Variants in FAM221A observed in about 807,000 individuals in gnomAD.
The protein encoded by FAM221A is protein FAM221A.
In FAM221A, 43 loss-of-function variants were observed where a neutral mutation model predicts 37.6. That is an observed-to-expected ratio of 1.15 (90% CI 0.90 to 1.48). FAM221A has a LOEUF of 1.48. Among genes scored for constraint, FAM221A ranks in the 40% most tolerant of loss-of-function variants. The probability of loss-of-function intolerance (pLI) is 0.00; values close to 1 mark genes in which losing one functional copy is unlikely to be tolerated. For missense variants in FAM221A, 361 were observed against 361.5 expected (o/e 1.00, Z 0.01); for synonymous variants, 135 against 132.9 (o/e 1.02, Z -0.11).
At chr7:23,688,662 G>A (rs1230138907) in intron 2 of FAM221A, 1 of 148,632 alleles carries the variant, frequency 6.7e-6, no homozygotes, top group Non-Finnish European at 1.5e-5. Flanking sequence ...TTGAGATGGA[G>A]TTTCGCTCTT....
At chr7:23,703,068 C>CT (rs913070130), downstream of FAM221A, 1 of 152,198 alleles carries the variant, frequency 6.6e-6, no homozygotes, top group African/African-American at 2.4e-5. Context: ...GTTGGGAAGA[C>CT]AATTCTGAAA....
chr7:23,690,918 A>G (rs1229631206), intron 3 of FAM221A, among the ~76,000 whole-genome samples: 2 of 152,184 alleles, frequency 1.3e-5, no homozygotes, highest in African/African-American at 4.8e-5. Context: ...TGATGTTTTC[A>G]TGATTCATCC....
intron 1 of FAM221A, among the ~76,000 whole-genome samples, chr7:23,683,881 C>G (rs548346051): frequency 4.6e-5 from 7 of 152,036 alleles, no homozygotes; most frequent in African/African-American, 1.7e-4. Context: ...ATCGCCAGAC[C>G]AATTCAAAAT....
chr7:23,686,151 G>A (rs1226639080), intron 2 of FAM221A: 4 of 288,422 alleles, frequency 1.4e-5, no homozygotes, highest in African/African-American at 7.0e-5. Context: ...TTAAAGAGGG[G>A]TTTGGTAAGT....
chr7:23,695,266 C>T (rs1042778167), intron 4 of FAM221A, among the ~76,000 whole-genome samples: 1 of 152,166 alleles, frequency 6.6e-6, no homozygotes, highest in African/African-American at 2.4e-5. Context: ...TGTGAGCCAC[C>T]ATGTAGAATT....
intron 5 of FAM221A, among the ~76,000 whole-genome samples, chr7:23,700,354 G>T (rs150647029): frequency 4.6e-5 from 7 of 152,152 alleles, no homozygotes; most frequent in Non-Finnish European, 1.0e-4. Context: ...AGTGATTACC[G>T]TAAAAAATGG....
At chr7:23,700,907 C>T (rs1432789772) in intron 6 of FAM221A, 39 bp downstream of exon 6, 1 of 1,284,766 alleles carries the variant, frequency 7.8e-7, no homozygotes, top group Non-Finnish European at 1.1e-6. Context: ...TAAGCATTTA[C>T]TTGTAGCAAA....
At chr7:23,682,097 G>T (rs1250669157) in intron 1 of FAM221A, among the ~76,000 whole-genome samples, 2 of 150,686 alleles carry the variant, frequency 1.3e-5, no homozygotes, top group Non-Finnish European at 1.5e-5. Context: ...TTAGAGTCTC[G>T]CTCTGTCACC....
At chr7:23,701,330 C>T (rs991597909) in intron 6 of FAM221A, among the ~76,000 whole-genome samples, 2 of 150,396 alleles carry the variant, frequency 1.3e-5, no homozygotes, top group Non-Finnish European at 3.0e-5. Flanking sequence ...AGCTCCGCCT[C>T]CCGGGTTCAC....
chr7:23,681,780 A>T (rs1313178613), intron 1 of FAM221A, among the ~76,000 whole-genome samples: 1 of 152,164 alleles, frequency 6.6e-6, no homozygotes, highest in Non-Finnish European at 1.5e-5. Flanking sequence ...TCCTTTACTG[A>T]CGTCAGAATT....
intron 2 of FAM221A, chr7:23,688,365 A>G (rs1366113207): frequency 6.6e-6 from 1 of 152,146 alleles, no homozygotes; most frequent in Non-Finnish European, 1.5e-5. Context: ...CATTTCTTTG[A>G]TTAATATTGA....
chr7:23,691,199 T>C (rs1784722828), intron 3 of FAM221A, among the ~76,000 whole-genome samples, 191 bp from the exon 4 acceptor site: 1 of 151,934 alleles, frequency 6.6e-6, no homozygotes, highest in Non-Finnish European at 1.5e-5. Context: ...TTTTTTTCTG[T>C]GTTGTATCTG....
intron 1 of FAM221A, 106 bp downstream of exon 1, chr7:23,680,389 A>T (rs1783958681): frequency 3.6e-6 from 3 of 836,716 alleles, no homozygotes; most frequent in Middle Eastern, 3.5e-4. Flanking sequence ...GGGTTCCCGG[A>T]ATCTGTGCCT....
chr7:23,689,229 T>G (rs376406291), intron 2 of FAM221A, 40 bp from the exon 3 acceptor site: 1 of 1,318,218 alleles, frequency 7.6e-7, no homozygotes, highest in African/African-American at 1.4e-5. Flanking sequence ...TGATAATACC[T>G]GTATTGTGTT....
chr7:23,684,110 C>A (rs756081229), intron 1 of FAM221A, among the ~76,000 whole-genome samples: 1 of 151,960 alleles, frequency 6.6e-6, no homozygotes, highest in Non-Finnish European at 1.5e-5. Context: ...TCCTTCAGAC[C>A]CCCAGTAAAC....
At position 23,689,210 on chromosome 7, in the gene FAM221A, T is replaced by C; in HGVS notation, c.240-59T>C. ...TATCTGCCTTTAATATAATAGAAATTGTAATTTTTGATAATACCTGTATTG... is the reference window on the plus strand; with the variant it reads ...TATCTGCCTTTAATATAATAGAAATCGTAATTTTTGATAATACCTGTATTG... On this transcript the variant is annotated intron_variant, in intron 2 of 6. Coordinates refer to ENST00000344962, the MANE Select transcript of FAM221A (RefSeq NM_199136.5). 3.5e-6 allele frequency: 4 copies of C among 1,127,526 alleles called. No homozygotes were observed. The South Asian group carries it at 8.3e-5, about 23-fold the overall frequency. The allele number at this position is 1,127,526 out of a possible 1,614,324, so 69.8% of individuals were successfully genotyped here.
rs376504214 is a variant in FAM221A, at chr7:23,691,485, T to C, written c.526T>C (p.Leu176=). ...AGTAGTGGAAACTAAGCAAGAAAGA[T>C]TGGCTCAGGAAAAACCAGTGGGACA... ...DTVVETKQER[L]AQEKPVGQDI... Residue 176 remains leucine, a synonymous_variant, in exon 4 of 7, where the codon TTG becomes CTG. Coordinates refer to ENST00000344962, the MANE Select transcript of FAM221A (RefSeq NM_199136.5). 1.2e-6 allele frequency: 2 copies of C among 1,614,096 alleles called. No individual in the cohort carries two copies. The highest frequency in any genetic ancestry group is 2.7e-5 in the African/African-American group (2 of 74,932).
chr7:23,690,295 C>G (rs1784666088), intron 3 of FAM221A, among the ~76,000 whole-genome samples: 1 of 149,856 alleles, frequency 6.7e-6, no homozygotes, highest in African/African-American at 2.5e-5. Context: ...GCCTCTGCCT[C>G]CAGGGTTCAA....
rs560712345 is a variant in FAM221A, at chr7:23,701,303, G to A, written c.828+435G>A. On this transcript the variant is annotated intron_variant, in intron 6 of 6. Transcript: ENST00000344962. The stretch of plus-strand genomic sequence containing the variant: ...CGCCCAGGCTGGAGTGCAGTGGCGC[G>A]ATCTCGGCTCACTGCAAGCTCCGCC... Among the ~76,000 whole-genome samples the A allele has an allele frequency of 4.2e-5, 6 of 142,784 alleles. No individual in the cohort carries two copies. The East Asian group carries it at 1.0e-3, about 25-fold the overall frequency. 93.7% of individuals were successfully genotyped at this position (142,784 alleles called of 152,430 possible).
Sources: gnomAD v4.1 joint callset for allele counts (sites outside exome capture counted in the v4.1 genomes callset) on GRCh38, gnomAD v4.1.1 for gene constraint, MANE v1.5 for transcripts, NCBI Gene and HGNC (gene_info 2026-07-23, HGNC 2026-07-21) for gene names.